The following CNTLN variants were observed in gnomAD, a reference collection of about 807,000 sequenced individuals.
CNTLN encodes centlein, centrosomal protein.
A neutral mutation model predicts 180.0 loss-of-function variants in CNTLN; 212 were observed. That is an observed-to-expected ratio of 1.18 (90% CI 1.05 to 1.32). CNTLN has a LOEUF of 1.32. CNTLN is among the 40% of genes most tolerant of loss of function. The pLI is 0.00. For synonymous variants in CNTLN, 722 were observed against 563.1 expected (o/e 1.28, Z -3.99); for missense variants, 2,095 against 1,610.9 (o/e 1.30, Z -5.14).
At chr9:17,456,548 GTTAATAC>G (rs779769383) in intron 18 of CNTLN, among the ~76,000 whole-genome samples, 7 of 152,122 alleles carry the variant, frequency 4.6e-5, no homozygotes, top group East Asian at 3.9e-4. Context: ...TAAATATAGT[GTTAATAC>G]TTAAGTAACA....
intron 23 of CNTLN, among the ~76,000 whole-genome samples, chr9:17,476,022 C>T (rs920858207): frequency 1.3e-5 from 2 of 151,956 alleles, no homozygotes; most frequent in African/African-American, 2.4e-5. Flanking sequence ...GCAAATCTGC[C>T]AGCTCTATTT....
chr9:17,337,822 G>A (rs1821154226), intron 10 of CNTLN, among the ~76,000 whole-genome samples: 1 of 152,108 alleles, frequency 6.6e-6, no homozygotes. Flanking sequence ...GAGAAAATTT[G>A]TACATCCTAT....
chr9:17,283,885 G>T (rs1040700973), intron 6 of CNTLN, among the ~76,000 whole-genome samples: 3 of 152,146 alleles, frequency 2.0e-5, no homozygotes, highest in African/African-American at 7.2e-5. Context: ...CTGTTTATGT[G>T]ATGAATTAGA....
At chr9:17,512,949 T>A in the CNTLN span, among the ~76,000 whole-genome samples, 1 of 152,268 alleles carries the variant, frequency 6.6e-6, no homozygotes, top group East Asian at 1.9e-4. Flanking sequence ...CCCGAGTAGC[T>A]GGGACTACAG....
chr9:17,322,688 A>G (rs762218824), intron 8 of CNTLN, among the ~76,000 whole-genome samples: 4 of 152,142 alleles, frequency 2.6e-5, no homozygotes, highest in Non-Finnish European at 5.9e-5. Flanking sequence ...TGGATTAATT[A>G]AACTGTAGCT....
At chr9:17,410,984 T>C (rs12004905) in intron 16 of CNTLN, among the ~76,000 whole-genome samples, 2,854 of 152,248 alleles carry the variant, frequency 0.019, 88 homozygotes, top group African/African-American at 0.065. Flanking sequence ...TCTTGGTCCT[T>C]TACTCTTCAA....
chr9:17,359,744 A>C (rs796801651), intron 12 of CNTLN, among the ~76,000 whole-genome samples: 576 of 50,188 alleles, frequency 0.011, 30 homozygotes, highest in African/African-American at 0.029. Flanking sequence ...AAAAAAAAAA[A>C]AAAAAACTAG....
At chr9:17,141,115 C>G (rs2131418971) in intron 1 of CNTLN, among the ~76,000 whole-genome samples, 1 of 152,150 alleles carries the variant, frequency 6.6e-6, no homozygotes, top group African/African-American at 2.4e-5. Flanking sequence ...ATTTCATTGA[C>G]AGAACTTAGT....
At chr9:17,497,587 A>T (rs1833528881) in intron 25 of CNTLN, among the ~76,000 whole-genome samples, 1 of 152,162 alleles carries the variant, frequency 6.6e-6, no homozygotes, top group Non-Finnish European at 1.5e-5. Flanking sequence ...TACAACTTCT[A>T]GAGTAATTCA....
rs1421885734 is a variant in CNTLN at position 17,496,798 on chromosome 9, CA to C, written c.4120-5752del. 2.0e-5 allele frequency among the ~76,000 whole-genome samples: 3 copies of C among 152,244 alleles called. No homozygotes were observed. The East Asian group carries it at 5.8e-4, about 29-fold the overall frequency. On this transcript the variant is annotated intron_variant, in intron 25 of 25. Coordinates refer to ENST00000380647, the MANE Select transcript of CNTLN (RefSeq NM_017738.4). ...AGCATTATCTCTAGCGTGTATATCT[CA>C]CCTAGTCATGAAGGAGCATACAAGG...
intron 13 of CNTLN, among the ~76,000 whole-genome samples, chr9:17,385,968 T>C (rs1342109084): frequency 6.6e-6 from 1 of 152,152 alleles, no homozygotes; most frequent in Non-Finnish European, 1.5e-5. Context: ...TCTCATTTTC[T>C]TTTCCTAAAA....
At chr9:17,365,796 A>G (rs1363057433) in intron 12 of CNTLN, among the ~76,000 whole-genome samples, 1 of 152,042 alleles carries the variant, frequency 6.6e-6, no homozygotes, top group East Asian at 1.9e-4. Context: ...TGTACAAAAA[A>G]TTAGCTGGGC....
chr9:17,162,945 C>G (rs1819783011), intron 2 of CNTLN, among the ~76,000 whole-genome samples: 1 of 152,124 alleles, frequency 6.6e-6, no homozygotes, highest in Non-Finnish European at 1.5e-5. Context: ...AGTCTGTTCT[C>G]ACACTGCTAA....
intron 2 of CNTLN, among the ~76,000 whole-genome samples, chr9:17,188,948 T>C (rs1402003882): frequency 6.6e-6 from 1 of 151,586 alleles, no homozygotes; most frequent in Non-Finnish European, 1.5e-5. Flanking sequence ...GGTTTGATAC[T>C]TGACATTATG....
At chr9:17,402,995 AG>A (rs1192467397) in intron 15 of CNTLN, among the ~76,000 whole-genome samples, 2 of 151,754 alleles carry the variant, frequency 1.3e-5, no homozygotes, top group African/African-American at 4.9e-5. Context: ...CTCCAAAAAA[AG>A]TAGTGAAGAT....
At chr9:17,488,601 G>A (rs1222064388) in intron 25 of CNTLN, among the ~76,000 whole-genome samples, 4 of 151,964 alleles carry the variant, frequency 2.6e-5, no homozygotes. Flanking sequence ...ACTGACACTG[G>A]ACCTGAGTTT....
intron 2 of CNTLN, among the ~76,000 whole-genome samples, chr9:17,202,312 T>C (rs530701412): frequency 2.5e-4 from 38 of 152,302 alleles, no homozygotes; most frequent in African/African-American, 8.9e-4. Context: ...TATATTCTGT[T>C]GATTTGGGGT....
At position 17,395,206 on chromosome 9, in the gene CNTLN, G is replaced by A; in HGVS notation, c.2615+137G>A. On this transcript the variant is annotated intron_variant, in intron 15 of 25. Transcript: ENST00000380647. ...TGTCAGATCCTTTGAAATATCTTGGGAGGTCTTGTTCTGAGCTTATTGACT... is the reference window on the plus strand; with the variant it reads ...TGTCAGATCCTTTGAAATATCTTGGAAGGTCTTGTTCTGAGCTTATTGACT... 3.0e-6 allele frequency: 4 copies of A among 1,328,638 alleles called. No homozygotes were observed. The South Asian group carries it at 5.2e-5, about 17-fold the overall frequency. The allele number at this position is 1,328,638 out of a possible 1,614,324, so 82.3% of individuals were successfully genotyped here.
intron 2 of CNTLN, among the ~76,000 whole-genome samples, chr9:17,207,219 T>A (rs559302673): frequency 1.6e-4 from 24 of 152,374 alleles, no homozygotes; most frequent in Admixed American, 1.2e-3. Context: ...TTATATTAAT[T>A]CGCTTTTTAT....
Sources: gnomAD v4.1 joint callset for allele counts (sites outside exome capture counted in the v4.1 genomes callset) on GRCh38, gnomAD v4.1.1 for gene constraint, MANE v1.5 for transcripts, NCBI Gene and HGNC (gene_info 2026-07-23, HGNC 2026-07-21) for gene names.